The following AGBL3 variants were observed in gnomAD, a reference collection of about 807,000 sequenced individuals.
AGBL3 encodes the protein cytosolic carboxypeptidase 3.
Under a neutral mutation model 94.5 loss-of-function variants are expected in AGBL3, and 68 were observed. The observed-to-expected ratio is 0.72, with a 90% CI of 0.59 to 0.88. The LOEUF (loss-of-function observed/expected upper bound fraction) is 0.88. AGBL3 is among the 40% of genes least tolerant of loss of function. The pLI is 0.00. For synonymous variants in AGBL3, 354 were observed against 370.7 expected (o/e 0.95, Z 0.52); for missense variants, 934 against 1,103.8 (o/e 0.85, Z 2.18).
At chr7:134,996,578 T>A (rs906677066) in intron 4 of AGBL3, among the ~76,000 whole-genome samples, 1 of 152,206 alleles carries the variant, frequency 6.6e-6, no homozygotes, top group African/African-American at 2.4e-5. Context: ...ACTTTCCATA[T>A]CAGTTTATAT....
chr7:134,991,921 G>A (rs989047834), intron 3 of AGBL3, among the ~76,000 whole-genome samples: 7 of 152,150 alleles, frequency 4.6e-5, no homozygotes, highest in African/African-American at 1.7e-4. Context: ...AGCAAACAAG[G>A]GGCTGGACTC....
At chr7:135,002,049 C>T (rs1811783159) in intron 4 of AGBL3, among the ~76,000 whole-genome samples, 1 of 152,128 alleles carries the variant, frequency 6.6e-6, no homozygotes, top group African/African-American at 2.4e-5. Context: ...TACCCTCTTA[C>T]CCTTCCTTTT....
chr7:135,033,950 C>A (rs1397569823), intron 6 of AGBL3, among the ~76,000 whole-genome samples, 199 bp from the exon 7 acceptor site: 1 of 152,108 alleles, frequency 6.6e-6, no homozygotes, highest in Non-Finnish European at 1.5e-5. Flanking sequence ...TTAGAATTAG[C>A]ATAGAAGCAG....
At chr7:135,009,664 T>C (rs1398932141) in intron 4 of AGBL3, among the ~76,000 whole-genome samples, 10 of 152,200 alleles carry the variant, frequency 6.6e-5, no homozygotes, top group African/African-American at 2.4e-4. Context: ...AGAATAACTT[T>C]CCCAGGATTC....
At chr7:135,065,150 T>C (rs78775786) in intron 12 of AGBL3, among the ~76,000 whole-genome samples, 6 of 152,348 alleles carry the variant, frequency 3.9e-5, no homozygotes, top group Non-Finnish European at 7.3e-5. Flanking sequence ...GTGAAAGATC[T>C]GTTCAGTGAA....
chr7:135,115,371 G>T lies in AGBL3; in HGVS notation c.2111-9G>T. ...TATCTCTGTACATATTTTTGTGGTT[G>T]CTCCCCAGATCTGCACCACAACTTA... is the stretch of plus-strand genomic sequence containing the variant. On this transcript the variant is annotated splice_polypyrimidine_tract_variant and intron_variant, in intron 15 of 16. Transcript: ENST00000436302. 1.3e-6 allele frequency: 2 copies of T among 1,521,288 alleles called. No homozygotes were observed. Among genetic ancestry groups the T allele is most frequent in the South Asian group, 2.4e-5 (2 of 81,868 alleles). The allele number at this position is 1,521,288 out of a possible 1,614,324, so 94.2% of individuals were successfully genotyped here.
intron 15 of AGBL3, among the ~76,000 whole-genome samples, chr7:135,103,475 T>C (rs577871712): frequency 6.6e-6 from 1 of 152,224 alleles, no homozygotes; most frequent in African/African-American, 2.4e-5. Context: ...TTTCTTAATA[T>C]GCATGCTTTT....
chr7:135,135,107 C>A lies in AGBL3; in HGVS notation c.2609C>A (p.Ala870Glu), dbSNP rs1243335185. The A allele has an allele frequency of 6.4e-7, 1 of 1,551,124 alleles. No individual in the cohort carries two copies. Among genetic ancestry groups the A allele is most frequent in the East Asian group, 2.4e-5 (1 of 40,896 alleles). The change falls in exon 17 of 17, where the codon GCA (alanine) becomes GAA (glutamate). Residue 870 changes from alanine (A) to glutamate (E), a missense_variant. By Grantham distance (107) the Ala-to-Glu change is moderately radical (BLOSUM62 -1). Coordinates refer to ENST00000436302, the MANE Select transcript of AGBL3 (RefSeq NM_178563.4). ...GCTTCTTCAAGCTTTGGAATGGATG[C>A]AAATGTTCTAAAATATAAGAGTCTT... ...ETASSSFGMDANVLKYKSLQA... is the reference protein window; with the variant it reads ...ETASSSFGMDENVLKYKSLQA...
At chr7:135,020,117 G>C (rs1479698401) in intron 5 of AGBL3, among the ~76,000 whole-genome samples, 1 of 152,156 alleles carries the variant, frequency 6.6e-6, no homozygotes, top group Non-Finnish European at 1.5e-5. Context: ...CCATCAGAGT[G>C]AACAGACAAC....
At chr7:135,026,466 G>T (rs1815156189) in intron 5 of AGBL3, among the ~76,000 whole-genome samples, 1 of 151,020 alleles carries the variant, frequency 6.6e-6, no homozygotes. Flanking sequence ...GTAGAGACAG[G>T]GTTTCACCAT....
Position 135,081,745 on chromosome 7 carries a change from T to C in AGBL3, c.2065T>C (p.Tyr689His). The C allele has an allele frequency of 1.3e-6, 2 of 1,542,652 alleles. No homozygotes were observed. The highest frequency in any genetic ancestry group is 1.8e-6 in the Non-Finnish European group (2 of 1,140,896). ...TACAAGGCCAAATGAACCAGATGAT[T>C]ATATGGTTGATTATTTCAGAAGACA... ...KDTRPNEPDDYMVDYFRRQLP... is the reference protein window; with the variant it reads ...KDTRPNEPDDHMVDYFRRQLP... Residue 689 changes from tyrosine to histidine, a missense_variant, in exon 15 of 17, where the codon TAT (tyrosine) becomes CAT (histidine). This residue lies in a region of AGBL3 where 441 missense variants were observed against 518.2 expected (regional missense o/e 0.85). Transcript: ENST00000436302.
At chr7:135,029,452 C>A (rs1815492874) in intron 5 of AGBL3, among the ~76,000 whole-genome samples, 1 of 152,190 alleles carries the variant, frequency 6.6e-6, no homozygotes, top group African/African-American at 2.4e-5. Context: ...CATGAAGCAA[C>A]CTCTGCTAGC....
At chr7:135,085,091 AT>A (rs1295283965) in intron 15 of AGBL3, among the ~76,000 whole-genome samples, 1 of 152,098 alleles carries the variant, frequency 6.6e-6, no homozygotes, top group Admixed American at 6.6e-5. Context: ...ATCTCTGATG[AT>A]TAGTGCTGTT....
intron 15 of AGBL3, 36 bp from the exon 16 acceptor site, chr7:135,115,344 C>A: frequency 7.5e-7 from 1 of 1,335,872 alleles, no homozygotes; most frequent in South Asian, 1.3e-5. Flanking sequence ...GAATAGAGTT[C>A]ATATCTCTGT....
Position 135,045,365 on chromosome 7 carries a change from A to C in AGBL3, c.1628-109A>C, listed in dbSNP as rs369568306. Reference sequence around the variant, plus strand: ...TGTCCTGAAGAAAAAAATCTAAAGGATAGGATATGGAATCATATCAATGTT... The same window carrying C: ...TGTCCTGAAGAAAAAAATCTAAAGGCTAGGATATGGAATCATATCAATGTT... On this transcript the variant is annotated intron_variant, in intron 9 of 16. Transcript: ENST00000436302. The C allele has an allele frequency of 4.7e-6, 4 of 853,660 alleles. No individual in the cohort carries two copies. The South Asian group carries it at 6.6e-5, about 14-fold the overall frequency. 52.9% of individuals were successfully genotyped at this position (853,660 alleles called of 1,614,324 possible).
intron 15 of AGBL3, 124 bp downstream of exon 15, chr7:135,081,914 T>A (rs576337811): frequency 8.4e-6 from 5 of 595,018 alleles, no homozygotes; most frequent in African/African-American, 1.9e-5. Context: ...AATTTGCTTT[T>A]AATTTTACCC....
intron 16 of AGBL3, among the ~76,000 whole-genome samples, chr7:135,124,473 A>G (rs1827583782): frequency 6.6e-6 from 1 of 152,224 alleles, no homozygotes; most frequent in South Asian, 2.1e-4. Flanking sequence ...CACTGTCAAT[A>G]TTAGACAGAT....
chr7:135,115,567 A>G lies in AGBL3; in HGVS notation c.2298A>G (p.Ile766Met). Residue 766 changes from isoleucine to methionine, a missense_variant, in exon 16 of 17, where the codon ATA (isoleucine) becomes ATG (methionine). Physicochemically the swap from Ile to Met is conservative, Grantham distance 10 (BLOSUM62 1). This residue lies in a region of AGBL3 where 441 missense variants were observed against 518.2 expected (regional missense o/e 0.85). Coordinates refer to ENST00000436302, the MANE Select transcript of AGBL3 (RefSeq NM_178563.4). ...HSTKNMQTTQ[I>M]KQLFNPRTNF... is the part of the protein sequence containing the mutation. ...CTAAAAACATGCAAACCACTCAGAT[A>G]AAACAGCTATTCAATCCAAGAACCA... 1 of 1,551,358 alleles carries G rather than the reference A, an allele frequency of 6.4e-7. No individual in the cohort carries two copies. The highest frequency in any genetic ancestry group is 8.7e-7 in the Non-Finnish European group (1 of 1,146,782).
At chr7:135,003,972 G>A (rs1812059989) in intron 4 of AGBL3, among the ~76,000 whole-genome samples, 1 of 151,268 alleles carries the variant, frequency 6.6e-6, no homozygotes, top group Admixed American at 6.6e-5. Context: ...TACTGGTACT[G>A]TCAAAAAATA....
Sources: gnomAD v4.1 joint callset for allele counts (sites outside exome capture counted in the v4.1 genomes callset) on GRCh38, gnomAD v4.1.1 for gene constraint, gnomAD v4.1.1 regional missense constraint, MANE v1.5 for transcripts, NCBI Gene and HGNC (gene_info 2026-07-23, HGNC 2026-07-21) for gene names.